SLC8A1: variants seen among roughly 807,000 people sequenced by gnomAD.
The protein encoded by SLC8A1 is sodium/calcium exchanger 1.
In SLC8A1, 18 loss-of-function variants were observed where a neutral mutation model predicts 68.3. The observed-to-expected ratio is 0.26, with a 90% CI of 0.18 to 0.39. The LOEUF (loss-of-function observed/expected upper bound fraction) is 0.39, where lower values mean the gene tolerates loss of function less well. SLC8A1 is among the 10% of genes least tolerant of loss of function. The pLI is 1.00. For synonymous variants in SLC8A1, 475 were observed against 415.5 expected (o/e 1.14, Z -1.74); for missense variants, 985 against 1,156.7 (o/e 0.85, Z 2.15).
At chr2:40,214,878 C>T (rs1397028537) in intron 2 of SLC8A1, among the ~76,000 whole-genome samples, 1 of 152,148 alleles carries the variant, frequency 6.6e-6, no homozygotes, top group Admixed American at 6.5e-5. Context: ...AGGGCTGTCT[C>T]ATCCCAAACT....
chr2:40,230,232 T>C (rs937137348), intron 2 of SLC8A1, among the ~76,000 whole-genome samples: 3 of 152,192 alleles, frequency 2.0e-5, no homozygotes, highest in Admixed American at 1.3e-4. Context: ...CTAGTTTTGC[T>C]AGATGTGTCT....
chr2:40,446,969 T>TA (rs1472644109), intron 1 of SLC8A1, among the ~76,000 whole-genome samples: 2 of 152,206 alleles, frequency 1.3e-5, no homozygotes, highest in East Asian at 3.9e-4. Context: ...TTGGTTGAAG[T>TA]AAATTGCTGA....
At chr2:40,490,175 A>G (rs561485630) in intron 1 of SLC8A1, among the ~76,000 whole-genome samples, 2 of 152,260 alleles carry the variant, frequency 1.3e-5, no homozygotes, top group South Asian at 4.1e-4. Context: ...AACATCAATC[A>G]TTTGGAATAT....
chr2:40,137,859 G>T (rs182102215), intron 7 of SLC8A1, among the ~76,000 whole-genome samples: 3 of 152,158 alleles, frequency 2.0e-5, no homozygotes, highest in African/African-American at 7.2e-5. Flanking sequence ...GTTACCAGAA[G>T]CATGTGGAGT....
At chr2:40,307,983 A>T (rs1348273549) in intron 2 of SLC8A1, among the ~76,000 whole-genome samples, 1 of 147,494 alleles carries the variant, frequency 6.8e-6, no homozygotes, top group East Asian at 1.9e-4. Context: ...TCAGAAAAAT[A>T]AATAAATAAA....
chr2:40,257,751 C>T (rs776613058), intron 2 of SLC8A1, among the ~76,000 whole-genome samples: 1 of 152,196 alleles, frequency 6.6e-6, no homozygotes, highest in Non-Finnish European at 1.5e-5. Flanking sequence ...TGCAAAGCAC[C>T]TAACTGAACC....
At chr2:40,361,057 G>A (rs1395243430) in intron 2 of SLC8A1, among the ~76,000 whole-genome samples, 4 of 152,090 alleles carry the variant, frequency 2.6e-5, no homozygotes, top group Non-Finnish European at 5.9e-5. Flanking sequence ...TTTGTCTATG[G>A]TGACATCAGA....
At chr2:40,267,834 T>C (rs1295469041) in intron 2 of SLC8A1, among the ~76,000 whole-genome samples, 1 of 152,290 alleles carries the variant, frequency 6.6e-6, no homozygotes, top group Admixed American at 6.5e-5. Flanking sequence ...CACAAGGAAC[T>C]GTTTTGCAGA....
chr2:40,253,008 T>TCA (rs1374317050), intron 2 of SLC8A1, among the ~76,000 whole-genome samples: 6 of 131,306 alleles, frequency 4.6e-5, no homozygotes, highest in African/African-American at 2.8e-5. Context: ...TACATATATA[T>TCA]GTATCTGTAT....
At chr2:40,405,267 G>A (rs1689976506) in intron 2 of SLC8A1, among the ~76,000 whole-genome samples, 3 of 152,134 alleles carry the variant, frequency 2.0e-5, no homozygotes, top group Non-Finnish European at 4.4e-5. Flanking sequence ...CAAGAATAGT[G>A]GCTTAGAGTT....
intron 2 of SLC8A1, among the ~76,000 whole-genome samples, chr2:40,184,898 C>CAAAAAAAAAAAAAAAAAAAAAGAAAAAAA (rs2050386611): frequency 9.4e-6 from 1 of 106,528 alleles, no homozygotes. Flanking sequence ...TAACCAAAAA[C>CAAAAAAAAAAAAAAAAAAAAAGAAAAAAA]AAAAAAAAAA....
rs568328629 is a variant in SLC8A1 at position 40,379,075 on chromosome 2, T to A, written c.1808+49398A>T. On this transcript the variant is annotated intron_variant, in intron 2 of 7. Transcript: ENST00000406785. The stretch of plus-strand genomic sequence containing the variant: ...TTTACCGCCAGTTTCCAGAATAGCA[T>A]CTGGCTCATAATAGATGCCATTTTA... 3.9e-4 allele frequency among the ~76,000 whole-genome samples: 60 copies of A among 152,264 alleles called. No homozygotes were observed. The South Asian group carries it at 7.7e-3, about 19-fold the overall frequency.
chr2:40,312,971 T>C (rs1038866578), intron 2 of SLC8A1, among the ~76,000 whole-genome samples: 26 of 152,164 alleles, frequency 1.7e-4, no homozygotes, highest in African/African-American at 6.0e-4. Context: ...TGTATATGTG[T>C]GTATAAAATA....
At chr2:40,305,607 G>T (rs1246505867) in intron 2 of SLC8A1, among the ~76,000 whole-genome samples, 1 of 152,150 alleles carries the variant, frequency 6.6e-6, no homozygotes, top group Non-Finnish European at 1.5e-5. Flanking sequence ...CAATAAGTTT[G>T]TTAGATACAC....
intron 2 of SLC8A1, among the ~76,000 whole-genome samples, chr2:40,268,444 G>A (rs1052581882): frequency 6.6e-6 from 1 of 152,196 alleles, no homozygotes; most frequent in Non-Finnish European, 1.5e-5. Context: ...GAGCCAGAAG[G>A]TCTACAAATG....
At chr2:40,478,246 T>A (rs1412387339) in intron 1 of SLC8A1, among the ~76,000 whole-genome samples, 1 of 116,136 alleles carries the variant, frequency 8.6e-6, no homozygotes, top group Non-Finnish European at 1.9e-5. Flanking sequence ...ACAATCAGAG[T>A]CCATTACCAT....
chr2:40,312,384 T>C (rs975655145), intron 2 of SLC8A1, among the ~76,000 whole-genome samples: 3 of 152,112 alleles, frequency 2.0e-5, no homozygotes, highest in African/African-American at 7.2e-5. Context: ...ATATTAATGG[T>C]GCCACTTTGC....
At chr2:40,441,134 T>C (rs1400726895) in intron 1 of SLC8A1, among the ~76,000 whole-genome samples, 2 of 151,786 alleles carry the variant, frequency 1.3e-5, no homozygotes, top group South Asian at 2.1e-4. Flanking sequence ...ACACCAAAAA[T>C]AGAAAAGCAG....
intron 1 of SLC8A1, among the ~76,000 whole-genome samples, chr2:40,491,456 C>G (rs1422433243): frequency 6.6e-6 from 1 of 152,072 alleles, no homozygotes; most frequent in East Asian, 1.9e-4. Context: ...TTCCTCTTTT[C>G]CTAATTGAAT....
Sources: allele counts gnomAD v4.1 joint callset (sites outside exome capture counted in the v4.1 genomes callset), GRCh38; gene constraint gnomAD v4.1.1; transcripts MANE v1.5; gene names NCBI Gene and HGNC (gene_info 2026-07-23, HGNC 2026-07-21).